The following PTPN2 variants were observed in gnomAD, a reference collection of about 807,000 sequenced individuals.
PTPN2 encodes protein tyrosine phosphatase non-receptor type 2, also known as tyrosine-protein phosphatase non-receptor type 2.
PTPN2 carries 19 observed loss-of-function variants against 57.3 expected under a neutral mutation model. The observed-to-expected ratio is 0.33, with a 90% confidence interval of 0.23 to 0.49. PTPN2 has a LOEUF of 0.49. Among genes scored for constraint, PTPN2 ranks in the 20% least tolerant of loss-of-function variants. The pLI is 0.99. For missense variants in PTPN2, 358 were observed against 501.1 expected (o/e 0.71, Z 2.73); for synonymous variants, 153 against 164.9 (o/e 0.93, Z 0.55).
At chr18:12,815,249 TAAA>T (rs1213560494) in intron 6 of PTPN2, among the ~76,000 whole-genome samples, 1 of 151,492 alleles carries the variant, frequency 6.6e-6, no homozygotes, top group Admixed American at 6.6e-5. Context: ...CCGTCTCTAC[TAAA>T]AATACAAAAA....
chr18:12,855,351 G>C (rs77293397), intron 2 of PTPN2, among the ~76,000 whole-genome samples: 1 of 152,104 alleles, frequency 6.6e-6, no homozygotes, highest in African/African-American at 2.4e-5. Flanking sequence ...CAAAAGAGAA[G>C]AAGTTATGAG....
At chr18:12,841,523 TAA>T (rs1308685204) in intron 2 of PTPN2, among the ~76,000 whole-genome samples, 3 of 152,236 alleles carry the variant, frequency 2.0e-5, no homozygotes, top group Non-Finnish European at 2.9e-5. Flanking sequence ...GGTGGGAATG[TAA>T]AGAGTATTTC....
intron 4 of PTPN2, 23 bp from the exon 5 acceptor site, chr18:12,825,967 GA>G (rs1423324934): frequency 1.9e-6 from 3 of 1,563,212 alleles, no homozygotes; most frequent in East Asian, 4.5e-5. Flanking sequence ...ATATGTATAT[GA>G]TTTTTTTTTA....
intron 7 of PTPN2, among the ~76,000 whole-genome samples, chr18:12,804,266 T>C (rs1320419043): frequency 2.7e-5 from 3 of 110,622 alleles, no homozygotes; most frequent in Non-Finnish European, 5.0e-5. Context: ...CACTCCAGTC[T>C]AGGGGTCAGA....
intron 1 of PTPN2, chr18:12,864,272 T>G (rs548383847): frequency 1.3e-5 from 2 of 152,238 alleles, no homozygotes; most frequent in South Asian, 4.1e-4. Context: ...TTGCCTACAT[T>G]AAGACCACAC....
chr18:12,798,491 A>G (rs1598735823), intron 8 of PTPN2, among the ~76,000 whole-genome samples: 2 of 152,158 alleles, frequency 1.3e-5, no homozygotes, highest in Non-Finnish European at 1.5e-5. Context: ...CTCAATTGTT[A>G]GTAAGAACAT....
chr18:12,831,154 G>C (rs2042655326), intron 3 of PTPN2, 113 bp from the exon 4 acceptor site: 1 of 617,808 alleles, frequency 1.6e-6, no homozygotes, highest in Non-Finnish European at 2.9e-6. Flanking sequence ...CAGCGGACGG[G>C]CTTATAAGAA....
intron 1 of PTPN2, among the ~76,000 whole-genome samples, chr18:12,881,367 G>C (rs891966377): frequency 1.3e-5 from 2 of 152,138 alleles, no homozygotes; most frequent in African/African-American, 4.8e-5. Context: ...AACCCAGGAG[G>C]CAGAGGTTGC....
intron 7 of PTPN2, among the ~76,000 whole-genome samples, chr18:12,810,591 G>A (rs2041858139): frequency 6.6e-6 from 1 of 152,152 alleles, no homozygotes; most frequent in Admixed American, 6.5e-5. Context: ...GACTATAGGA[G>A]AGAACTACCA....
chr18:12,793,393 C>G lies in PTPN2; in HGVS notation c.*885G>C, dbSNP rs937732991. The G allele has an allele frequency of 4.1e-6, 4 of 978,434 alleles. No individual in the cohort carries two copies. The African/African-American group carries it at 7.0e-5, about 17-fold the overall frequency. 60.6% of individuals were successfully genotyped at this position (978,434 alleles called of 1,614,324 possible). ...CTTCCTAAATCATAATCTACCCCAA[C>G]TACATTGAAATTTTCATGAAAAATA... On this transcript the variant is annotated 3_prime_UTR_variant, in exon 9 of 9. Transcript: ENST00000309660.
chr18:12,875,460 CTGAT>C (rs1280481319), intron 1 of PTPN2, among the ~76,000 whole-genome samples: 2 of 152,128 alleles, frequency 1.3e-5, no homozygotes, highest in African/African-American at 4.8e-5. Context: ...ACATGCTAAA[CTGAT>C]TGAGGATTTA....
At chr18:12,838,625 G>T (rs1014388740) in intron 2 of PTPN2, among the ~76,000 whole-genome samples, 1 of 152,166 alleles carries the variant, frequency 6.6e-6, no homozygotes, top group Non-Finnish European at 1.5e-5. Context: ...CAGTGGCCTC[G>T]CTTCCTGTTT....
In PTPN2 at chr18:12,814,285, A is replaced by G. The variant is rs2041990386; in HGVS notation, c.776T>C (p.Ile259Thr). Residue 259 changes from isoleucine to threonine, a missense_variant, in exon 7 of 9, where the codon ATT becomes ACT. Coordinates refer to ENST00000309660, the MANE Select transcript of PTPN2 (RefSeq NM_002828.4). Reference sequence around the variant, plus strand: ...GAATCTCAGTTGATCTGGGGTCTGAATAAGACCCATTCGGTATTTTCTCAT... The same window carrying G: ...GAATCTCAGTTGATCTGGGGTCTGAGTAAGACCCATTCGGTATTTTCTCAT... ...LNMRKYRMGL[I>T]QTPDQLRFSY... The G allele has an allele frequency of 6.2e-7, 1 of 1,603,784 alleles. No individual in the cohort carries two copies.
chr18:12,847,669 C>T (rs2043259880), intron 2 of PTPN2, among the ~76,000 whole-genome samples: 1 of 145,710 alleles, frequency 6.9e-6, no homozygotes, highest in African/African-American at 2.6e-5. Flanking sequence ...GTTGCCCAGG[C>T]TGGAATGCAA....
chr18:12,870,315 ATATGTG>A (rs1450232538), intron 1 of PTPN2, among the ~76,000 whole-genome samples: 17 of 65,910 alleles, frequency 2.6e-4, no homozygotes, highest in South Asian at 5.3e-4. Context: ...ATATACATAT[ATATGTG>A]TATATATATG....
At chr18:12,866,329 T>C (rs2043991487) in intron 1 of PTPN2, among the ~76,000 whole-genome samples, 1 of 151,904 alleles carries the variant, frequency 6.6e-6, no homozygotes, top group Admixed American at 6.6e-5. Context: ...TCCCAGCTAC[T>C]GGGGAGGCTG....
downstream of PTPN2, chr18:12,787,934 G>A (rs2040882588): frequency 6.5e-6 from 1 of 154,304 alleles, no homozygotes; most frequent in Non-Finnish European, 1.5e-5. Context: ...CTATGCCTGA[G>A]GCCACGAAAA....
At chr18:12,863,512 C>A (rs2043884083) in intron 1 of PTPN2, 1 of 141,372 alleles carries the variant, frequency 7.1e-6, no homozygotes, top group Non-Finnish European at 1.5e-5. Context: ...GGTTTCTCAG[C>A]CTCAGCACTA....
At chr18:12,869,344 T>C (rs1485648711) in intron 1 of PTPN2, among the ~76,000 whole-genome samples, 1 of 152,042 alleles carries the variant, frequency 6.6e-6, no homozygotes, top group Non-Finnish European at 1.5e-5. Context: ...CTGGCTAATT[T>C]TTTATTTTTA....
Sources: gnomAD v4.1 joint callset for allele counts (sites outside exome capture counted in the v4.1 genomes callset) on GRCh38, gnomAD v4.1.1 for gene constraint, MANE v1.5 for transcripts, NCBI Gene and HGNC (gene_info 2026-07-23, HGNC 2026-07-21) for gene names.